XBP1: variants seen among roughly 807,000 people sequenced by gnomAD.
XBP1 encodes the protein X-box-binding protein 1.
Under a neutral mutation model 34.6 loss-of-function variants are expected in XBP1, and 18 were observed. The ratio of observed to expected loss-of-function variants is 0.52; its 90% CI spans 0.36 to 0.77. XBP1 has a LOEUF of 0.77. XBP1 is among the 30% of genes least tolerant of loss of function. The pLI, the probability that XBP1 is intolerant of heterozygous loss-of-function variation, is 0.00. For missense variants in XBP1, 422 were observed against 464.6 expected (o/e 0.91, Z 0.84); for synonymous variants, 191 against 193.4 (o/e 0.99, Z 0.11).
At chr22:28,795,877 ACTTCAC>A in intron 5 of XBP1, 145 bp from the exon 6 acceptor site, 1 of 1,214,120 alleles carries the variant, frequency 8.2e-7, no homozygotes, top group Non-Finnish European at 1.2e-6. Context: ...ATTTATCTAC[ACTTCAC>A]TCCATGTTCT....
exon 6 of XBP1, chr22:28,795,372 G>T (rs768658900): frequency 6.4e-7 from 1 of 1,552,562 alleles, no homozygotes; most frequent in African/African-American, 1.4e-5. Flanking sequence ...CCCAGCTCCG[G>T]AACGAGGTCA....
rs1246226143 is a variant in XBP1 at position 28,800,211 on chromosome 22, G to A, written c.227+87C>T. The A allele has an allele frequency of 4.8e-6, 7 of 1,457,518 alleles. No individual in the cohort carries two copies. In the African/African-American group the frequency reaches 7.1e-5, roughly 15 times the overall value. 90.3% of individuals were successfully genotyped at this position (1,457,518 alleles called of 1,614,324 possible). A position where few individuals can be genotyped will look rare whatever the true frequency, so the allele number is the denominator to read the frequency against. On this transcript the variant is annotated intron_variant, in intron 1 of 5. Transcript: ENST00000344347. ...GACGGAGCCCTGCGGGGCGGCCAGT[G>A]CTGGGTCCCCGCTCCCAGCCCCTGC...
At chr22:28,797,397 T>C (rs1265395873) in intron 2 of XBP1, among the ~76,000 whole-genome samples, 192 bp from the exon 3 acceptor site, 2 of 152,316 alleles carry the variant, frequency 1.3e-5, no homozygotes, top group South Asian at 2.1e-4. Context: ...TGCCACTTCA[T>C]GGGGTCAAGA....
intron 1 of XBP1, among the ~76,000 whole-genome samples, chr22:28,799,384 C>T (rs925166942): frequency 1.3e-5 from 2 of 152,236 alleles, no homozygotes; most frequent in Non-Finnish European, 2.9e-5. Context: ...ATCCGTCCAC[C>T]TCAGACTCAT....
exon 1 of XBP1, chr22:28,800,437 C>A: frequency 6.8e-7 from 1 of 1,480,526 alleles, no homozygotes; most frequent in Non-Finnish European, 8.9e-7. Flanking sequence ...CCGGCCGGGG[C>A]TCCGGCGGCG....
chr22:28,800,242 C>T (rs2031852586), intron 1 of XBP1, 56 bp downstream of exon 1: 20 of 1,527,656 alleles, frequency 1.3e-5, no homozygotes, highest in Middle Eastern at 1.9e-4. Flanking sequence ...CCTGCCCCTG[C>T]CCCTGTCCCT....
chr22:28,795,646 C>T, exon 6 of XBP1: 1 of 1,605,398 alleles, frequency 6.2e-7, no homozygotes, highest in South Asian at 1.1e-5. Context: ...CCTCTGGGAG[C>T]TCCTCCAGGC....
At chr22:28,798,432 C>T (rs889949327) in intron 2 of XBP1, among the ~76,000 whole-genome samples, 6 of 151,298 alleles carry the variant, frequency 4.0e-5, no homozygotes, top group Admixed American at 2.0e-4. Flanking sequence ...CGTCAGCCTC[C>T]GGAGCAGCTG....
intron 5 of XBP1, 42 bp downstream of exon 5, chr22:28,796,004 TA>T: frequency 6.2e-7 from 1 of 1,611,414 alleles, no homozygotes; most frequent in African/African-American, 1.3e-5. Flanking sequence ...CAGATGGAAT[TA>T]ACTGGTTATA....
intron 2 of XBP1, 111 bp from the exon 3 acceptor site, chr22:28,797,316 A>G (rs755457649): frequency 8.5e-6 from 11 of 1,292,474 alleles, no homozygotes; most frequent in East Asian, 5.0e-5. Context: ...GGAAAACTCT[A>G]TGCTTGTGGT....
exon 6 of XBP1, chr22:28,795,438 A>G (rs773046899): frequency 6.3e-7 from 1 of 1,597,190 alleles, no homozygotes; most frequent in South Asian, 1.1e-5. Flanking sequence ...TCATTCTCTG[A>G]GGGGCTGAGA....
intron 2 of XBP1, chr22:28,798,795 T>A: frequency 4.6e-6 from 1 of 217,104 alleles, no homozygotes; most frequent in Non-Finnish European, 8.9e-6. Context: ...TTTTGGTATA[T>A]TTTTGGGTAG....
exon 1 of XBP1, chr22:28,800,515 C>A (rs1449011896): frequency 6.7e-7 from 1 of 1,491,490 alleles, no homozygotes; most frequent in Non-Finnish European, 8.8e-7. Flanking sequence ...GCGGCTGCCA[C>A]CACCACCATA....
At chr22:28,799,032 A>G in intron 2 of XBP1, 25 bp downstream of exon 2, 1 of 1,589,150 alleles carries the variant, frequency 6.3e-7, no homozygotes, top group Non-Finnish European at 8.6e-7. Flanking sequence ...AATGGATAAA[A>G]GAGTTTGACC....
At chr22:28,800,536 A>G (rs749334167), upstream of XBP1, 25 of 1,479,954 alleles carry the variant, frequency 1.7e-5, no homozygotes, top group African/African-American at 3.0e-5. Flanking sequence ...GCTCCAGACT[A>G]CGCACCGCGC....
In XBP1 at chr22:28,799,098, T is replaced by C. The variant is rs765182289; in HGVS notation, c.283A>G (p.Met95Val). The C allele has an allele frequency of 2.5e-5, 41 of 1,614,184 alleles. No individual in the cohort carries two copies. The highest frequency in any genetic ancestry group is 3.2e-5 in the Non-Finnish European group (38 of 1,180,020). ...ACCACTTGCTGTTCCAGCTCACTCA[T>C]TCGAGCCTTCTTTCGATCTCTGGCA... The change falls in exon 2 of 6, where the codon ATG (methionine) becomes GTG (valine). Residue 95 changes from methionine (M) to valine (V), a missense_variant. Coordinates refer to ENST00000344347, the Ensembl canonical transcript of XBP1.
chr22:28,796,931 ACT>A, intron 3 of XBP1, 144 bp downstream of exon 3: 1 of 994,558 alleles, frequency 1.0e-6, no homozygotes, highest in Non-Finnish European at 1.4e-6. Flanking sequence ...GGGGAAGAAC[ACT>A]CTGCCTGCAT....
chr22:28,800,099 C>T (rs6005888), intron 1 of XBP1, 199 bp downstream of exon 1: 2 of 738,004 alleles, frequency 2.7e-6, no homozygotes, highest in Non-Finnish European at 4.8e-6. Flanking sequence ...CTGGGCCGCC[C>T]TAGGTTCCCA....
At chr22:28,794,898 A>G, downstream of XBP1, 1 of 291,474 alleles carries the variant, frequency 3.4e-6, no homozygotes. Context: ...TTTAGGGAAA[A>G]CTACCACCCT....
Sources: allele counts gnomAD v4.1 joint callset (sites outside exome capture counted in the v4.1 genomes callset), GRCh38; gene constraint gnomAD v4.1.1; transcripts MANE v1.5; gene names NCBI Gene and HGNC (gene_info 2026-07-23, HGNC 2026-07-21).